Variants in ELF2 observed in about 807,000 individuals in gnomAD.
ELF2 encodes the protein E74 like ETS transcription factor 2.
ELF2 carries 11 observed loss-of-function variants against 54.8 expected under a neutral mutation model. The observed-to-expected ratio is 0.20, with a 90% CI of 0.13 to 0.33. The LOEUF (loss-of-function observed/expected upper bound fraction) is 0.33. Ranked by LOEUF, ELF2 falls within the 10% of genes least tolerant of loss-of-function variation. ELF2 has a pLI of 1.00. For missense variants in ELF2, 513 were observed against 703.0 expected (o/e 0.73, Z 3.06); for synonymous variants, 203 against 245.1 (o/e 0.83, Z 1.61).
At chr4:139,093,953 C>A (rs1732964509) in intron 4 of ELF2, among the ~76,000 whole-genome samples, 1 of 138,360 alleles carries the variant, frequency 7.2e-6, no homozygotes, top group Admixed American at 8.0e-5. Context: ...GGCTGGAGTG[C>A]AATGGCGTGA....
chr4:139,109,190 T>C (rs79567352), intron 4 of ELF2, among the ~76,000 whole-genome samples: 1,541 of 152,302 alleles, frequency 0.01, 13 homozygotes, highest in Middle Eastern at 0.027. Flanking sequence ...ACATTTTAGT[T>C]TCTTGGTCCA....
chr4:139,064,934 A>G (rs188630936), intron 7 of ELF2, among the ~76,000 whole-genome samples: 23 of 152,296 alleles, frequency 1.5e-4, no homozygotes, highest in African/African-American at 4.3e-4. Context: ...AACTTTACAA[A>G]GTTACATTTG....
chr4:139,157,844 A>G (rs1740702456), intron 1 of ELF2, among the ~76,000 whole-genome samples: 1 of 152,226 alleles, frequency 6.6e-6, no homozygotes, highest in African/African-American at 2.4e-5. Flanking sequence ...TGATGGTGAA[A>G]ATTGAACAGC....
chr4:139,109,525 A>G (rs553588039), intron 4 of ELF2, among the ~76,000 whole-genome samples: 11 of 152,318 alleles, frequency 7.2e-5, no homozygotes, highest in Middle Eastern at 3.4e-3. Flanking sequence ...TAATCTCTTA[A>G]AAGAGATACC....
At chr4:139,102,554 G>A (rs1466845959) in intron 4 of ELF2, among the ~76,000 whole-genome samples, 7 of 144,016 alleles carry the variant, frequency 4.9e-5, no homozygotes. Context: ...AAAAAAGGAA[G>A]TATCGGCCGG....
chr4:139,088,284 T>TAAA (rs10713739), intron 4 of ELF2, among the ~76,000 whole-genome samples: 73 of 112,252 alleles, frequency 6.5e-4, no homozygotes, highest in African/African-American at 2.4e-3. Context: ...AGACTCTGTC[T>TAAA]AAAAAAAAAA....
At chr4:139,137,490 TA>T in intron 3 of ELF2, 139 bp downstream of exon 3, 2 of 815,518 alleles carry the variant, frequency 2.5e-6, no homozygotes, top group Non-Finnish European at 3.9e-6. Flanking sequence ...CTAAATTATA[TA>T]AGGATACACG....
intron 4 of ELF2, among the ~76,000 whole-genome samples, chr4:139,118,576 C>T (rs761210266): frequency 2.6e-5 from 4 of 151,796 alleles, no homozygotes; most frequent in Non-Finnish European, 5.9e-5. Context: ...GAGTGGCCAC[C>T]GAAATCTGAT....
At chr4:139,095,579 T>A (rs900471100) in intron 4 of ELF2, among the ~76,000 whole-genome samples, 6 of 152,238 alleles carry the variant, frequency 3.9e-5, no homozygotes, top group Admixed American at 6.5e-5. Flanking sequence ...AAATTTTTTT[T>A]AAATCTATAC....
At chr4:139,164,507 T>A (rs939804644) in intron 1 of ELF2, among the ~76,000 whole-genome samples, 3 of 152,014 alleles carry the variant, frequency 2.0e-5, no homozygotes, top group Non-Finnish European at 4.4e-5. Context: ...CGTGGTGGCA[T>A]GCACCTGTAG....
chr4:139,135,261 G>GTA, intron 3 of ELF2, among the ~76,000 whole-genome samples: 2 of 142,182 alleles, frequency 1.4e-5, no homozygotes, highest in South Asian at 4.6e-4. Flanking sequence ...GTGTGTGTGT[G>GTA]TGTGTGTGTG....
At chr4:139,173,633 C>CCT (rs1742570045) in intron 1 of ELF2, among the ~76,000 whole-genome samples, 1 of 151,512 alleles carries the variant, frequency 6.6e-6, no homozygotes, top group Admixed American at 6.6e-5. Flanking sequence ...TGGCACGCGC[C>CCT]CGTAGTCCCA....
intron 1 of ELF2, among the ~76,000 whole-genome samples, chr4:139,169,335 G>A (rs1189696340): frequency 3.5e-5 from 5 of 144,752 alleles, no homozygotes; most frequent in Non-Finnish European, 7.5e-5. Context: ...GCTACAGAGC[G>A]GGACTACATT....
rs1174097530 is a variant in ELF2 at position 139,060,428 on chromosome 4, T to C, written c.1053A>G (p.Ala351=). ...TCACAACTCTAGCTACACCCTTCTCTGCTCTGGAGCAGTTTATAGGGGATG... is the reference window on the plus strand; with the variant it reads ...TCACAACTCTAGCTACACCCTTCTCCGCTCTGGAGCAGTTTATAGGGGATG... ...KNSSPINCSR[A]EKGVARVVNI... is the part of the protein sequence containing the mutation. Residue 351 remains alanine, a synonymous_variant, in exon 9 of 10, where the codon GCA becomes GCG. Transcript: ENST00000686138. The C allele has an allele frequency of 1.4e-5, 22 of 1,614,224 alleles. No homozygotes were observed. The highest frequency in any genetic ancestry group is 1.9e-5 in the Non-Finnish European group (22 of 1,180,038).
At chr4:139,146,207 C>T (rs899292769) in intron 1 of ELF2, among the ~76,000 whole-genome samples, 2 of 152,084 alleles carry the variant, frequency 1.3e-5, no homozygotes, top group Non-Finnish European at 2.9e-5. Context: ...GAACACAAAT[C>T]CAGTAGCACT....
At chr4:139,106,740 C>CTTTTTTTTTTTTTTTTTTTTATTT in intron 4 of ELF2, among the ~76,000 whole-genome samples, 1 of 93,758 alleles carries the variant, frequency 1.1e-5, no homozygotes, top group Non-Finnish European at 2.1e-5. Context: ...AACTATATTT[C>CTTTTTTTTTTTTTTTTTTTTATTT]TTTTTTTTTT....
chr4:139,083,576 C>T (rs1303561655), intron 4 of ELF2, among the ~76,000 whole-genome samples: 1 of 152,130 alleles, frequency 6.6e-6, no homozygotes, highest in Non-Finnish European at 1.5e-5. Context: ...GGGTATCGGT[C>T]CACCGGACAT....
chr4:139,144,526 T>G (rs553160550), intron 1 of ELF2, among the ~76,000 whole-genome samples: 1 of 152,208 alleles, frequency 6.6e-6, no homozygotes, highest in East Asian at 1.9e-4. Context: ...GACTGGGAAG[T>G]AAGCTGTAAC....
At chr4:139,163,536 T>C (rs750150716) in intron 1 of ELF2, among the ~76,000 whole-genome samples, 2 of 152,074 alleles carry the variant, frequency 1.3e-5, no homozygotes, top group African/African-American at 4.8e-5. Flanking sequence ...AGAGAAAGTA[T>C]AGGACAAAGC....
Sources: gnomAD v4.1 joint callset for allele counts (sites outside exome capture counted in the v4.1 genomes callset) on GRCh38, gnomAD v4.1.1 for gene constraint, MANE v1.5 for transcripts, NCBI Gene and HGNC (gene_info 2026-07-23, HGNC 2026-07-21) for gene names.